The following LMCD1 variants were observed in gnomAD, a reference collection of about 807,000 sequenced individuals.
LMCD1 encodes LIM and cysteine rich domains 1.
Under a neutral mutation model 42.7 loss-of-function variants are expected in LMCD1, and 32 were observed. That is an observed-to-expected ratio of 0.75 (90% CI 0.57 to 1.01). The LOEUF (loss-of-function observed/expected upper bound fraction) is 1.01. Among genes scored for constraint, LMCD1 ranks in the 50% least tolerant of loss-of-function variants. The pLI is 0.00. For synonymous variants in LMCD1, 178 were observed against 184.9 expected (o/e 0.96, Z 0.30); for missense variants, 458 against 483.1 (o/e 0.95, Z 0.49).
At chr3:8,522,778 A>G (rs1162489845) in intron 1 of LMCD1, among the ~76,000 whole-genome samples, 1 of 152,234 alleles carries the variant, frequency 6.6e-6, no homozygotes, top group African/African-American at 2.4e-5. Context: ...GAGGAAAGAA[A>G]AAAAGGAATG....
chr3:8,529,556 TAGC>T (rs1694372300), intron 1 of LMCD1, among the ~76,000 whole-genome samples: 1 of 152,198 alleles, frequency 6.6e-6, no homozygotes, highest in African/African-American at 2.4e-5. Context: ...AGGTGATTGG[TAGC>T]AGAGCACCGC....
chr3:8,505,305 G>A (rs1050840242), intron 1 of LMCD1, among the ~76,000 whole-genome samples: 1 of 152,140 alleles, frequency 6.6e-6, no homozygotes, highest in Non-Finnish European at 1.5e-5. Context: ...TCACCCAACG[G>A]GTGCAAAATC....
chr3:8,557,006 A>G (rs1266450472), intron 4 of LMCD1, among the ~76,000 whole-genome samples: 1 of 152,182 alleles, frequency 6.6e-6, no homozygotes, highest in Non-Finnish European at 1.5e-5. Flanking sequence ...GCCTGCCACG[A>G]TGTGCTACAG....
chr3:8,551,774 C>T (rs1694844636), intron 4 of LMCD1, among the ~76,000 whole-genome samples: 1 of 152,240 alleles, frequency 6.6e-6, no homozygotes, highest in African/African-American at 2.4e-5. Flanking sequence ...GCCTCACCAG[C>T]ATTCACATCA....
intron 3 of LMCD1, among the ~76,000 whole-genome samples, chr3:8,541,245 G>A (rs1195476554): frequency 6.6e-6 from 1 of 152,140 alleles, no homozygotes; most frequent in Admixed American, 6.5e-5. Context: ...AGAGCACCAA[G>A]TAACTCAGAA....
intron 2 of LMCD1, among the ~76,000 whole-genome samples, chr3:8,535,764 C>A (rs2125024270): frequency 6.6e-6 from 1 of 152,342 alleles, no homozygotes; most frequent in Middle Eastern, 3.4e-3. Context: ...ACTGTAAGCT[C>A]CTTAAAGGTC....
At position 8,538,381 on chromosome 3, in the gene LMCD1, T is replaced by A. The variant is rs557608696; in HGVS notation, c.387+941T>A. On this transcript the variant is annotated intron_variant, in intron 3 of 5. Transcript: ENST00000157600. ...AGGCTGGATGATTTCTATATGTTAA[T>A]ACAATTTGTAGAAGGTTCAACAATT... is the stretch of plus-strand genomic sequence containing the variant. Among the ~76,000 whole-genome samples the A allele has an allele frequency of 6.7e-4, 102 of 152,350 alleles. 1 individual carries two copies. The highest frequency in any genetic ancestry group is 2.3e-3 in the African/African-American group (97 of 41,582).
chr3:8,544,816 A>G (rs3732986), intron 3 of LMCD1, among the ~76,000 whole-genome samples: 72,112 of 152,062 alleles, frequency 0.47, 17,754 homozygotes, highest in Non-Finnish European at 0.53. Flanking sequence ...CCTCAGTGAT[A>G]GGAATCAGGA....
chr3:8,545,766 G>A (rs1227525497), intron 3 of LMCD1, among the ~76,000 whole-genome samples: 1 of 152,164 alleles, frequency 6.6e-6, no homozygotes, highest in African/African-American at 2.4e-5. Flanking sequence ...TGTCCATTGA[G>A]AGACACTACT....
intron 3 of LMCD1, among the ~76,000 whole-genome samples, chr3:8,545,640 G>T (rs1694721125): frequency 6.6e-6 from 1 of 152,186 alleles, no homozygotes; most frequent in African/African-American, 2.4e-5. Flanking sequence ...CAGGATTCTT[G>T]TTAAAAATGC....
chr3:8,529,859 G>A lies in LMCD1; in HGVS notation c.43-2878G>A, dbSNP rs112127911. Among the ~76,000 whole-genome samples the A allele has an allele frequency of 1.1e-3, 169 of 152,334 alleles. 1 individual carries two copies. Among genetic ancestry groups the A allele is most frequent in the African/African-American group, 3.9e-3 (161 of 41,578 alleles). On this transcript the variant is annotated intron_variant, in intron 1 of 5. Coordinates refer to ENST00000157600, the MANE Select transcript of LMCD1 (RefSeq NM_014583.4). ...AGATGTAATTAATGACAACAACAAA[G>A]AACGCTCAGTGCATAATAAGTGTGT...
At chr3:8,522,002 C>T (rs1553605935) in intron 1 of LMCD1, among the ~76,000 whole-genome samples, 1 of 152,054 alleles carries the variant, frequency 6.6e-6, no homozygotes, top group Non-Finnish European at 1.5e-5. Flanking sequence ...GCACAGGCTT[C>T]TATACACTTA....
At chr3:8,513,515 A>C (rs550684218) in intron 1 of LMCD1, among the ~76,000 whole-genome samples, 134 of 152,286 alleles carry the variant, frequency 8.8e-4, no homozygotes, top group Admixed American at 3.2e-3. Flanking sequence ...GCAGCTTTAA[A>C]GCACCAAGAG....
At chr3:8,502,374 T>TTC in intron 1 of LMCD1, among the ~76,000 whole-genome samples, 1 of 91,808 alleles carries the variant, frequency 1.1e-5, no homozygotes, top group East Asian at 2.9e-4. Flanking sequence ...ATATAAAATA[T>TTC]ATATAATATA....
intron 4 of LMCD1, chr3:8,551,057 A>T: frequency 1.0e-6 from 1 of 985,434 alleles, no homozygotes; most frequent in Non-Finnish European, 1.2e-6. Context: ...GTCAGAAAAT[A>T]AGTAGGGATT....
At chr3:8,555,220 A>T (rs1694913142) in intron 4 of LMCD1, among the ~76,000 whole-genome samples, 1 of 151,982 alleles carries the variant, frequency 6.6e-6, no homozygotes, top group South Asian at 2.1e-4. Context: ...TCAGATGGAA[A>T]CTTACAGCAG....
At chr3:8,543,549 C>T (rs568601959) in intron 3 of LMCD1, among the ~76,000 whole-genome samples, 1 of 152,172 alleles carries the variant, frequency 6.6e-6, no homozygotes, top group African/African-American at 2.4e-5. Flanking sequence ...GTGGTGTGAT[C>T]ACAGCTCACT....
rs776427827 is a variant in LMCD1, at chr3:8,507,273, T to A, written c.42+5293T>A. ...CTCTATAAAACTTTTATAGAAAGAG[T>A]TACATATGAAGTTGAGTCTCCTGTG... On this transcript the variant is annotated intron_variant, in intron 1 of 5. Transcript: ENST00000157600. Among the ~76,000 whole-genome samples the A allele has an allele frequency of 4.9e-4, 74 of 152,110 alleles. 1 individual carries two copies. Among genetic ancestry groups the A allele is most frequent in the Admixed American group, 3.7e-3 (56 of 15,262 alleles).
Position 8,551,259 on chromosome 3 carries a change from A to T in LMCD1, c.723+2356A>T, listed in dbSNP as rs1336038391. ...GATATACATAGCCATTGCTCAATAA[A>T]TATGTGACCCATGAATGAAAGTTTG... On this transcript the variant is annotated intron_variant, in intron 4 of 5. Transcript: ENST00000157600. 3.0e-6 allele frequency: 3 copies of T among 985,204 alleles called. No individual in the cohort carries two copies. The African/African-American group carries it at 5.2e-5, about 17-fold the overall frequency. 61.0% of individuals were successfully genotyped at this position (985,204 alleles called of 1,614,324 possible). A position where few individuals can be genotyped will look rare whatever the true frequency, so the allele number is the denominator to read the frequency against.
Sources: gnomAD v4.1 joint callset for allele counts (sites outside exome capture counted in the v4.1 genomes callset) on GRCh38, gnomAD v4.1.1 for gene constraint, MANE v1.5 for transcripts, NCBI Gene and HGNC (gene_info 2026-07-23, HGNC 2026-07-21) for gene names.